The following FHIT variants were observed in gnomAD, a reference collection of about 807,000 sequenced individuals.
FHIT encodes fragile histidine triad diadenosine triphosphatase.
In FHIT, 19 loss-of-function variants were observed where a neutral mutation model predicts 17.9. The ratio of observed to expected loss-of-function variants is 1.06; its 90% CI spans 0.74 to 1.56. FHIT has a LOEUF of 1.56. FHIT is among the 40% of genes most tolerant of loss of function. The pLI is 0.00. For missense variants in FHIT, 248 were observed against 189.2 expected (o/e 1.31, Z -1.82); for synonymous variants, 81 against 69.7 (o/e 1.16, Z -0.81).
intron 8 of FHIT, among the ~76,000 whole-genome samples, chr3:59,805,525 G>A (rs1700162617): frequency 6.6e-6 from 1 of 152,162 alleles, no homozygotes; most frequent in East Asian, 1.9e-4. Flanking sequence ...GGGTCACAGA[G>A]AAGAATCTGA....
rs1161102539 is a variant in FHIT at position 60,884,162 on chromosome 3, G to A, written c.-110-62151C>T. 2.0e-5 allele frequency among the ~76,000 whole-genome samples: 3 copies of A among 152,110 alleles called. No individual in the cohort carries two copies. In the East Asian group the frequency reaches 5.8e-4, roughly 29 times the overall value. ...GAAATGCAAATCACAACCACAGTGA[G>A]ATACCATCTCACCACAGTTATAATG... is the stretch of plus-strand genomic sequence containing the variant. On this transcript the variant is annotated intron_variant, in intron 3 of 9. Coordinates refer to ENST00000492590, the MANE Select transcript of FHIT (RefSeq NM_002012.4).
chr3:60,163,084 G>A (rs570723266), intron 5 of FHIT, among the ~76,000 whole-genome samples: 27 of 152,256 alleles, frequency 1.8e-4, no homozygotes, highest in African/African-American at 6.0e-4. Flanking sequence ...CTGAAGACAT[G>A]AGGGGAAGTT....
intron 5 of FHIT, among the ~76,000 whole-genome samples, chr3:60,179,085 T>C (rs1701808857): frequency 6.6e-6 from 1 of 152,168 alleles, no homozygotes; most frequent in Non-Finnish European, 1.5e-5. Context: ...TCCTCAGAAT[T>C]AGCTTTTCAT....
At chr3:60,504,610 G>C (rs1342517944) in intron 5 of FHIT, among the ~76,000 whole-genome samples, 3 of 152,096 alleles carry the variant, frequency 2.0e-5, no homozygotes, top group Non-Finnish European at 4.4e-5. Context: ...ATGAAGCTTT[G>C]AGAGCTTCAG....
intron 5 of FHIT, among the ~76,000 whole-genome samples, chr3:60,403,022 G>C (rs1701722709): frequency 6.6e-6 from 1 of 152,138 alleles, no homozygotes; most frequent in Non-Finnish European, 1.5e-5. Context: ...GCAAAACAAA[G>C]GTTTTGACTG....
chr3:60,258,093 CA>C (rs1241502608), intron 5 of FHIT, among the ~76,000 whole-genome samples: 1 of 146,724 alleles, frequency 6.8e-6, no homozygotes, highest in Non-Finnish European at 1.5e-5. Flanking sequence ...CACACACACA[CA>C]CACACACCTC....
intron 4 of FHIT, among the ~76,000 whole-genome samples, chr3:60,677,874 T>G (rs1272497593): frequency 1.3e-5 from 2 of 152,184 alleles, no homozygotes; most frequent in Admixed American, 1.3e-4. Context: ...GATTTCTATT[T>G]CTTTCTGGTT....
In FHIT at chr3:60,841,272, C is replaced by T. The variant is rs1270017751; in HGVS notation, c.-110-19261G>A. Among the ~76,000 whole-genome samples, 11 of 152,276 alleles carry T rather than the reference C, an allele frequency of 7.2e-5. No homozygotes were observed. The South Asian group carries it at 8.3e-4, about 11-fold the overall frequency. ...TAAATAAATTCCTGTTGAAAAGTAA[C>T]GGCATGCACTGTGTGTTAACATAAT... On this transcript the variant is annotated intron_variant, in intron 3 of 9. Transcript: ENST00000492590.
Position 60,304,652 on chromosome 3 carries a change from A to G in FHIT, c.103+232208T>C, listed in dbSNP as rs554614073. 2.6e-5 allele frequency among the ~76,000 whole-genome samples: 4 copies of G among 152,264 alleles called. No homozygotes were observed. In the East Asian group the frequency reaches 5.8e-4, roughly 22 times the overall value. On this transcript the variant is annotated intron_variant, in intron 5 of 9. Coordinates refer to ENST00000492590, the MANE Select transcript of FHIT (RefSeq NM_002012.4). ...AGATAAATAATAAAACAGTTTTAGTATATGTGCCATATATTGCATGGGACA... is the reference window on the plus strand; with the variant it reads ...AGATAAATAATAAAACAGTTTTAGTGTATGTGCCATATATTGCATGGGACA...
intron 5 of FHIT, among the ~76,000 whole-genome samples, chr3:60,512,478 A>G (rs2034987982): frequency 6.6e-6 from 1 of 152,248 alleles, no homozygotes; most frequent in Non-Finnish European, 1.5e-5. Flanking sequence ...GAACTCGACC[A>G]GCATAGTTCT....
intron 3 of FHIT, among the ~76,000 whole-genome samples, chr3:60,875,731 A>C (rs978504100): frequency 6.6e-5 from 10 of 152,180 alleles, no homozygotes; most frequent in African/African-American, 1.9e-4. Flanking sequence ...TTTTCATAAC[A>C]ATCCTACATA....
chr3:60,411,780 G>C (rs922991399), intron 5 of FHIT, among the ~76,000 whole-genome samples: 2 of 152,014 alleles, frequency 1.3e-5, no homozygotes, highest in Non-Finnish European at 1.5e-5. Context: ...AAATACAAAA[G>C]ATGTAAATGT....
At chr3:59,901,240 G>C (rs753644930) in intron 8 of FHIT, among the ~76,000 whole-genome samples, 1 of 152,168 alleles carries the variant, frequency 6.6e-6, no homozygotes, top group Non-Finnish European at 1.5e-5. Context: ...AAGGTATTTG[G>C]AAAGATTCTA....
At chr3:59,922,509 A>C (rs553676655) in intron 7 of FHIT, 95 bp from the exon 8 acceptor site, 1 of 1,010,822 alleles carries the variant, frequency 9.9e-7, no homozygotes, top group South Asian at 1.4e-5. Flanking sequence ...TTACTCCACG[A>C]TGGTTCCTGC....
At chr3:60,454,799 T>C (rs573059387) in intron 5 of FHIT, among the ~76,000 whole-genome samples, 153 of 152,256 alleles carry the variant, frequency 1.0e-3, no homozygotes, top group African/African-American at 3.7e-3. Flanking sequence ...GTTACACACA[T>C]AACCTCATTT....
intron 3 of FHIT, among the ~76,000 whole-genome samples, chr3:60,858,008 T>G (rs1373505639): frequency 6.6e-6 from 1 of 152,190 alleles, no homozygotes; most frequent in East Asian, 1.9e-4. Context: ...GTGTTATTGT[T>G]TTGTTATTTG....
intron 5 of FHIT, among the ~76,000 whole-genome samples, chr3:60,450,902 T>C (rs1026807062): frequency 1.1e-4 from 17 of 152,274 alleles, no homozygotes; most frequent in African/African-American, 3.1e-4. Context: ...AGAGAATAAA[T>C]AGTAGACTAT....
At chr3:60,755,761 G>C (rs187587697) in intron 4 of FHIT, among the ~76,000 whole-genome samples, 172 of 152,262 alleles carry the variant, frequency 1.1e-3, no homozygotes, top group African/African-American at 3.9e-3. Flanking sequence ...TAGAGACATT[G>C]GTTAAATAAG....
chr3:59,761,431 G>A (rs979908112), intron 8 of FHIT, among the ~76,000 whole-genome samples: 4 of 152,034 alleles, frequency 2.6e-5, no homozygotes, highest in African/African-American at 9.7e-5. Context: ...CCCTATGTAT[G>A]CTCTCTGTTT....
Sources: allele counts gnomAD v4.1 joint callset (sites outside exome capture counted in the v4.1 genomes callset), GRCh38; gene constraint gnomAD v4.1.1; transcripts MANE v1.5; gene names NCBI Gene and HGNC (gene_info 2026-07-23, HGNC 2026-07-21).